LINS1: variants seen among roughly 807,000 people sequenced by gnomAD.
LINS1 encodes the protein protein Lines homolog 1.
A neutral mutation model predicts 41.6 loss-of-function variants in LINS1; 27 were observed. That is an observed-to-expected ratio of 0.65 (90% CI 0.48 to 0.89). The LOEUF (loss-of-function observed/expected upper bound fraction) is 0.89. LINS1 is among the 40% of genes least tolerant of loss of function. The pLI is 0.00. For missense variants in LINS1, 955 were observed against 884.1 expected (o/e 1.08, Z -1.02); for synonymous variants, 336 against 312.9 (o/e 1.07, Z -0.78).
intron 3 of LINS1, among the ~76,000 whole-genome samples, chr15:100,575,499 T>C (rs2038115374): frequency 6.6e-6 from 1 of 152,096 alleles, no homozygotes; most frequent in South Asian, 2.1e-4. Context: ...ATGCACCCAA[T>C]ACAAGAGCAC....
chr15:100,578,295 C>A (rs901617287), intron 3 of LINS1, among the ~76,000 whole-genome samples: 7 of 152,064 alleles, frequency 4.6e-5, no homozygotes, highest in Admixed American at 2.0e-4. Flanking sequence ...GGCTAATATC[C>A]AGAATCTACA....
chr15:100,598,927 T>C (rs558192780), intron 1 of LINS1, among the ~76,000 whole-genome samples: 4 of 152,346 alleles, frequency 2.6e-5, no homozygotes, highest in African/African-American at 9.6e-5. Flanking sequence ...TCCTGGGCAG[T>C]GGTCCTTGAC....
chr15:100,594,126 C>T (rs908582979), intron 1 of LINS1, among the ~76,000 whole-genome samples: 7 of 152,176 alleles, frequency 4.6e-5, no homozygotes, highest in African/African-American at 7.2e-5. Flanking sequence ...TAAATCATCT[C>T]TAGATTACTT....
chr15:100,597,267 T>A (rs540918861), intron 1 of LINS1, among the ~76,000 whole-genome samples: 46 of 136,886 alleles, frequency 3.4e-4, no homozygotes, highest in African/African-American at 1.1e-3. Flanking sequence ...AAGGCAAATC[T>A]TTTTTTTTTT....
chr15:100,579,187 AT>A (rs1304441657), intron 3 of LINS1, among the ~76,000 whole-genome samples: 3 of 148,394 alleles, frequency 2.0e-5, no homozygotes, highest in Admixed American at 1.3e-4. Flanking sequence ...AAATATATAT[AT>A]AAAAAAATAA....
chr15:100,575,049 C>A lies in LINS1; in HGVS notation c.569G>T (p.Cys190Phe), dbSNP rs779712690. ...TATTATTGCTGTAAGAGTCCAGAGG[C>A]AGTATATTGCTTTATTACTCTCAGA... ...EYSESNKAIY[C>F]LWTLTAIIKE... is the part of the protein sequence containing the mutation. The change falls in exon 4 of 7, where the codon TGC (cysteine) becomes TTC (phenylalanine). Residue 190 changes from cysteine (C) to phenylalanine (F), a missense_variant. Physicochemically the swap from Cys to Phe is radical, Grantham distance 205. Coordinates refer to ENST00000314742, the MANE Select transcript of LINS1 (RefSeq NM_001040616.3). 18 of 1,612,464 alleles carry A rather than the reference C, an allele frequency of 1.1e-5. No individual in the cohort carries two copies. The highest frequency in any genetic ancestry group is 1.5e-5 in the Non-Finnish European group (18 of 1,179,280).
At chr15:100,580,010 A>C (rs1173522364) in intron 3 of LINS1, among the ~76,000 whole-genome samples, 1 of 152,174 alleles carries the variant, frequency 6.6e-6, no homozygotes. Flanking sequence ...ATGTCTTATT[A>C]ATACAAATAT....
At position 100,580,379 on chromosome 15, in the gene LINS1, A is replaced by G. The variant is rs374291439; in HGVS notation, c.400-27T>C. 215 of 1,603,048 alleles carry G rather than the reference A, an allele frequency of 1.3e-4. No individual in the cohort carries two copies. The African/African-American group carries it at 2.6e-3, about 20-fold the overall frequency. On this transcript the variant is annotated intron_variant, in intron 2 of 6. Transcript: ENST00000314742. ...TACAGGAAAACAAATATAATTAACC[A>G]CTATTGCTGAATGTTCTTAAAATTA...
At chr15:100,599,613 G>A (rs984295939) in intron 1 of LINS1, among the ~76,000 whole-genome samples, 10 of 152,280 alleles carry the variant, frequency 6.6e-5, no homozygotes, top group Admixed American at 6.5e-4. Context: ...TGGGTGCCGA[G>A]TCTGCTATAA....
chr15:100,582,813 A>T (rs2038619764), intron 1 of LINS1, among the ~76,000 whole-genome samples: 1 of 144,996 alleles, frequency 6.9e-6, no homozygotes, highest in African/African-American at 2.6e-5. Flanking sequence ...ACGGCCCACT[A>T]GCCTAGTCTT....
At chr15:100,580,160 G>A in intron 3 of LINS1, 103 bp downstream of exon 3, 1 of 893,826 alleles carries the variant, frequency 1.1e-6, no homozygotes, top group Non-Finnish European at 1.8e-6. Flanking sequence ...AGAAGTTTGA[G>A]ATCAGATTGG....
intron 5 of LINS1, chr15:100,573,432 T>C (rs909438784): frequency 2.9e-6 from 3 of 1,035,324 alleles, no homozygotes; most frequent in African/African-American, 1.6e-5. Flanking sequence ...AATCATTCCT[T>C]ATGCTTTACA....
At position 100,570,091 on chromosome 15, in the gene LINS1, G is replaced by T; in HGVS notation, c.1421C>A (p.Thr474Asn). 1 of 1,586,954 alleles carries T rather than the reference G, an allele frequency of 6.3e-7. No homozygotes were observed. The highest frequency in any genetic ancestry group is 8.5e-7 in the Non-Finnish European group (1 of 1,174,630). Residue 474 changes from threonine (T) to asparagine (N), a missense_variant, in exon 7 of 7, where the codon ACT becomes AAT. Physicochemically the swap from Thr to Asn is moderately conservative, Grantham distance 65 (BLOSUM62 0). Transcript: ENST00000314742. Reference sequence around the variant, plus strand: ...ATGGTCCCACATTTCTTTTCCCTGAGTCAAGCTTTCAGTGGCTTCACATCC... The same window carrying T: ...ATGGTCCCACATTTCTTTTCCCTGATTCAAGCTTTCAGTGGCTTCACATCC... ...TRGCEATESLTQGKEMWDHHT... is the reference protein window; with the variant it reads ...TRGCEATESLNQGKEMWDHHT...
In LINS1 at chr15:100,573,723, C is replaced by T. The variant is rs751004318; in HGVS notation, c.1150G>A (p.Ala384Thr). ...ITSPDHVILRAASLVIMKSLE... is the reference protein window; with the variant it reads ...ITSPDHVILRTASLVIMKSLE... ...GATTTCATTATAACTAAGCTTGCTGCTCTAAGGATCACATGATCTGGACTA... is the reference window on the plus strand; with the variant it reads ...GATTTCATTATAACTAAGCTTGCTGTTCTAAGGATCACATGATCTGGACTA... Residue 384 changes from alanine to threonine, a missense_variant, in exon 5 of 7, where the codon GCA becomes ACA. Transcript: ENST00000314742. 1.9e-6 allele frequency: 3 copies of T among 1,613,660 alleles called. No individual in the cohort carries two copies. In the Admixed American group the frequency reaches 5.0e-5, roughly 27 times the overall value.
At chr15:100,600,152 A>G (rs989191446) in intron 1 of LINS1, among the ~76,000 whole-genome samples, 4 of 152,234 alleles carry the variant, frequency 2.6e-5, no homozygotes, top group Non-Finnish European at 5.9e-5. Flanking sequence ...CATCTCAACT[A>G]AAAATTTAGA....
At chr15:100,581,047 G>A (rs2038518404) in intron 1 of LINS1, 102 bp from the exon 2 acceptor site, 2 of 499,224 alleles carry the variant, frequency 4.0e-6, no homozygotes, top group Non-Finnish European at 7.0e-6. Flanking sequence ...AGTTAAAGGG[G>A]ATGCTGACTG....
intron 3 of LINS1, 106 bp from the exon 4 acceptor site, chr15:100,575,234 T>C: frequency 3.1e-6 from 3 of 964,854 alleles, no homozygotes; most frequent in South Asian, 1.4e-5. Flanking sequence ...AGTATGATAA[T>C]ATGTGGCACA....
At chr15:100,583,703 G>T (rs1003642612) in intron 1 of LINS1, among the ~76,000 whole-genome samples, 2 of 152,134 alleles carry the variant, frequency 1.3e-5, no homozygotes, top group African/African-American at 4.8e-5. Context: ...TGACTCCCTT[G>T]TTTTATTAAT....
At chr15:100,576,742 T>C (rs1465941558) in intron 3 of LINS1, 3 of 152,242 alleles carry the variant, frequency 2.0e-5, no homozygotes, top group Non-Finnish European at 4.4e-5. Flanking sequence ...TTTAGACCAA[T>C]ATCCCTGATG....
Sources: gnomAD v4.1 joint callset for allele counts (sites outside exome capture counted in the v4.1 genomes callset) on GRCh38, gnomAD v4.1.1 for gene constraint, MANE v1.5 for transcripts, NCBI Gene and HGNC (gene_info 2026-07-23, HGNC 2026-07-21) for gene names.